MYO7A: variants seen among roughly 807,000 people sequenced by gnomAD.
MYO7A encodes myosin VIIA.
MYO7A carries 210 observed loss-of-function variants against 263.8 expected under a neutral mutation model. The ratio of observed to expected loss-of-function variants is 0.80; its 90% CI spans 0.71 to 0.89. The LOEUF (loss-of-function observed/expected upper bound fraction) is 0.89, where lower values mean the gene tolerates loss of function less well. Among genes scored for constraint, MYO7A ranks in the 40% least tolerant of loss-of-function variants. The pLI, the probability that MYO7A is intolerant of heterozygous loss-of-function variation, is 0.00. For synonymous variants in MYO7A, 1,239 were observed against 1,197.3 expected (o/e 1.03, Z -0.72); for missense variants, 2,820 against 2,968.3 (o/e 0.95, Z 1.16).
intron 1 of MYO7A, among the ~76,000 whole-genome samples, chr11:77,130,144 G>T (rs1004522863): frequency 7.2e-5 from 11 of 152,270 alleles, no homozygotes; most frequent in Middle Eastern, 3.2e-3. Context: ...GTCATGCCCA[G>T]CCCTTGACCT....
rs769001697 is a variant in MYO7A at position 77,192,209 on chromosome 11, C to T, written c.4083C>T (p.Asn1361=). ...FTPWHSPSED[N]VATNLIYQQV... ...CCTGGCACAGCCCCTCCGAGGACAACGTGGCCACCAACCTCATCTACCAGC... is the reference window on the plus strand; with the variant it reads ...CCTGGCACAGCCCCTCCGAGGACAATGTGGCCACCAACCTCATCTACCAGC... The change falls in exon 31 of 49, where the codon AAC becomes AAT. Residue 1361 remains asparagine (N), a synonymous_variant. Coordinates refer to ENST00000409709, the MANE Select transcript of MYO7A (RefSeq NM_000260.4). The T allele has an allele frequency of 6.2e-6, 10 of 1,613,946 alleles. No individual in the cohort carries two copies. Among genetic ancestry groups the T allele is most frequent in the African/African-American group, 1.3e-5 (1 of 74,954 alleles).
intron 27 of MYO7A, among the ~76,000 whole-genome samples, chr11:77,186,370 T>C (rs1955646726): frequency 6.6e-6 from 1 of 152,228 alleles, no homozygotes. Flanking sequence ...TCTCTAGCTA[T>C]GAAAGTCCTA....
intron 39 of MYO7A, 127 bp from the exon 40 acceptor site, chr11:77,205,335 G>A (rs1957371565): frequency 3.5e-6 from 4 of 1,151,350 alleles, no homozygotes; most frequent in Non-Finnish European, 4.8e-6. Context: ...ATAGGGTAAA[G>A]GTCAGGAGGG....
rs779823324 is a variant in MYO7A at position 77,194,370 on chromosome 11, A to C, written c.4169A>C (p.Glu1390Ala). The change falls in exon 32 of 49, where the codon GAG becomes GCG. Residue 1390 changes from glutamate to alanine, a missense_variant. Physicochemically the swap from Glu to Ala is moderately radical, Grantham distance 107. Transcript: ENST00000409709. ...CCCACCTAGGAGGACGACCTGGCTG[A>C]GCTGGCCTCCCAGCAGTACTTTGTA... is the stretch of plus-strand genomic sequence containing the variant. ...YRCEKEDDLAELASQQYFVDY... is the reference protein window; with the variant it reads ...YRCEKEDDLAALASQQYFVDY... 2.5e-6 allele frequency: 4 copies of C among 1,612,400 alleles called. No homozygotes were observed. The highest frequency in any genetic ancestry group is 3.4e-6 in the Non-Finnish European group (4 of 1,179,232).
chr11:77,164,512 T>G (rs1793207761), intron 14 of MYO7A, among the ~76,000 whole-genome samples: 1 of 152,228 alleles, frequency 6.6e-6, no homozygotes, highest in South Asian at 2.1e-4. Context: ...AGTGTATCAG[T>G]GAGCCAGGCT....
chr11:77,138,750 C>G lies in MYO7A; in HGVS notation c.19-3959C>G, dbSNP rs559757897. 6.6e-6 allele frequency among the ~76,000 whole-genome samples: 1 copy of G among 152,332 alleles called. No homozygotes were observed. Among genetic ancestry groups the G allele is most frequent in the South Asian group, 2.1e-4 (1 of 4,828 alleles). On this transcript the variant is annotated intron_variant, in intron 2 of 48. Transcript: ENST00000409709. The surrounding 1 kb of genome is among the most constrained non-coding windows in gnomAD (Gnocchi z 4.9). ...GGGACCCCCAGCCATAGTTTATGGA[C>G]TGGCTGACCGCTGATGGAAGAGAAA...
At chr11:77,207,425 C>T (rs1237527424) in intron 42 of MYO7A, 23 bp downstream of exon 42, 1 of 1,497,510 alleles carries the variant, frequency 6.7e-7, no homozygotes, top group East Asian at 2.3e-5. Context: ...CCACCTTCGC[C>T]AAGGTGGGAG....
chr11:77,149,504 G>A lies in MYO7A; in HGVS notation c.285+1554G>A, dbSNP rs1555056007. On this transcript the variant is annotated intron_variant, in intron 4 of 48. Coordinates refer to ENST00000409709, the MANE Select transcript of MYO7A (RefSeq NM_000260.4). ...CCTCAGGTTGTCAGGACCATGAAGG[G>A]GTGCTAGGGCCCAGGGCTGGAAAAG... is the stretch of plus-strand genomic sequence containing the variant. Among the ~76,000 whole-genome samples, 3 of 152,204 alleles carry A rather than the reference G, an allele frequency of 2.0e-5. No individual in the cohort carries two copies. In the East Asian group the frequency reaches 5.8e-4, roughly 29 times the overall value.
At chr11:77,143,540 G>A (rs573362617) in intron 3 of MYO7A, among the ~76,000 whole-genome samples, 37 of 152,360 alleles carry the variant, frequency 2.4e-4, no homozygotes, top group Admixed American at 6.5e-5. Flanking sequence ...GGCCTGCCCC[G>A]GAGAAGGTGG....
intron 11 of MYO7A, 36 bp downstream of exon 11, chr11:77,160,318 C>A: frequency 6.5e-7 from 1 of 1,538,330 alleles, no homozygotes; most frequent in Non-Finnish European, 8.8e-7. Flanking sequence ...GCTCGCCCTA[C>A]CCCTTGGGAA....
At position 77,171,850 on chromosome 11, in the gene MYO7A, T is replaced by TC. The variant is rs1435031417; in HGVS notation, c.1798-893dup. On this transcript the variant is annotated intron_variant, in intron 15 of 48. Transcript: ENST00000409709. ...TCCTGTTTGTTTGCGGCTCAGGGCT[T>TC]CCCCCACCTCATTTCACAGTATTCT... Among the ~76,000 whole-genome samples, 7 of 152,140 alleles carry TC rather than the reference T, an allele frequency of 4.6e-5. No homozygotes were observed. In the East Asian group the frequency reaches 1.3e-3, roughly 29 times the overall value.
At position 77,208,291 on chromosome 11, in the gene MYO7A, G is replaced by C; in HGVS notation, c.5857-139G>C. On this transcript the variant is annotated intron_variant, in intron 42 of 48. Coordinates refer to ENST00000409709, the MANE Select transcript of MYO7A (RefSeq NM_000260.4). ...TCAGCAGGCACATGGGGCAGGGTGG[G>C]GCTGACACACAGAAACCCCTTCCGG... 4.4e-6 allele frequency: 3 copies of C among 680,072 alleles called. No homozygotes were observed. In the South Asian group the frequency reaches 5.3e-5, roughly 12 times the overall value. The allele number at this position is 680,072 out of a possible 1,614,324, so 42.1% of individuals were successfully genotyped here.
At chr11:77,177,493 G>A in intron 18 of MYO7A, 56 bp from the exon 19 acceptor site, 1 of 1,356,576 alleles carries the variant, frequency 7.4e-7, no homozygotes, top group Non-Finnish European at 1.0e-6. Flanking sequence ...CTGGGACTGA[G>A]CAGGTGGTCC....
At chr11:77,186,224 G>T (rs778790606) in intron 27 of MYO7A, among the ~76,000 whole-genome samples, 2 of 152,080 alleles carry the variant, frequency 1.3e-5, no homozygotes, top group Non-Finnish European at 2.9e-5. Context: ...CCAGCCTCTT[G>T]TACATAATTT....
In MYO7A at chr11:77,208,781, A is replaced by G. The variant is rs111033175; in HGVS notation, c.6029A>G (p.Asp2010Gly). 2.5e-6 allele frequency: 4 copies of G among 1,570,308 alleles called. No homozygotes were observed. The highest frequency in any genetic ancestry group is 3.5e-6 in the Non-Finnish European group (4 of 1,157,290). The change falls in exon 44 of 49, where the codon GAT becomes GGT. Residue 2010 changes from aspartate to glycine, a missense_variant. Asp to Gly is a moderately conservative substitution (Grantham distance 94, BLOSUM62 -1). Coordinates refer to ENST00000409709, the MANE Select transcript of MYO7A (RefSeq NM_000260.4). ...TTVPGKDPMA[D>G]SIFHYYQELP... is the part of the protein sequence containing the mutation. ...GTGCCAGGGAAGGATCCCATGGCCGATTCCATCTTCCACTATTACCAGGTG... is the reference window on the plus strand; with the variant it reads ...GTGCCAGGGAAGGATCCCATGGCCGGTTCCATCTTCCACTATTACCAGGTG...
At chr11:77,142,940 C>T in intron 3 of MYO7A, 118 bp downstream of exon 3, 1 of 836,906 alleles carries the variant, frequency 1.2e-6, no homozygotes, top group Non-Finnish European at 1.9e-6. Flanking sequence ...GCCCCCACTT[C>T]TGCCTCTCAG....
rs1159917580 is a variant in MYO7A, at chr11:77,190,080, C to T, written c.3691C>T (p.Leu1231=). Residue 1231 remains leucine (L), a synonymous_variant, in exon 29 of 49, where the codon CTG becomes TTG. Transcript: ENST00000409709. ...CTACGCCCCGTACTGTGAGGAGCGCCTGAGAAGGACCTTTGTCAATGGGAC... is the reference window on the plus strand; with the variant it reads ...CTACGCCCCGTACTGTGAGGAGCGCTTGAGAAGGACCTTTGTCAATGGGAC... The part of the protein sequence containing the change: ...PGYAPYCEER[L]RRTFVNGTRT... The T allele has an allele frequency of 3.2e-6, 5 of 1,578,784 alleles. No individual in the cohort carries two copies. Among genetic ancestry groups the T allele is most frequent in the Non-Finnish European group, 4.3e-6 (5 of 1,163,024 alleles).
At chr11:77,157,719 C>T (rs545435114) in intron 8 of MYO7A, among the ~76,000 whole-genome samples, 1 of 152,316 alleles carries the variant, frequency 6.6e-6, no homozygotes, top group African/African-American at 2.4e-5. Flanking sequence ...GCACCTGAAG[C>T]GTATATGTGT....
At chr11:77,153,539 T>A (rs1952170045) in intron 4 of MYO7A, among the ~76,000 whole-genome samples, 1 of 152,012 alleles carries the variant, frequency 6.6e-6, no homozygotes, top group Non-Finnish European at 1.5e-5. Flanking sequence ...CGTCTCAGCA[T>A]CCCCCATGTC....
Sources: allele counts gnomAD v4.1 joint callset (sites outside exome capture counted in the v4.1 genomes callset), GRCh38; gene constraint gnomAD v4.1.1; non-coding constraint Gnocchi (gnomAD v3.1); transcripts MANE v1.5; gene names NCBI Gene and HGNC (gene_info 2026-07-23, HGNC 2026-07-21).